The following CSPG4 variants were observed in gnomAD, a reference collection of about 807,000 sequenced individuals.
The protein encoded by CSPG4 is chondroitin sulfate proteoglycan 4 (melanoma-associated).
In CSPG4, 74 loss-of-function variants were observed where a neutral mutation model predicts 139.3. The ratio of observed to expected loss-of-function variants is 0.53; its 90% CI spans 0.44 to 0.64. The LOEUF (loss-of-function observed/expected upper bound fraction) is 0.64, where lower values mean the gene tolerates loss of function less well. Among genes scored for constraint, CSPG4 ranks in the 30% least tolerant of loss-of-function variants. The pLI, the probability that CSPG4 is intolerant of heterozygous loss-of-function variation, is 0.00. For missense variants in CSPG4, 2,565 were observed against 3,148.3 expected, an observed-to-expected ratio of 0.81 and a Z score of 4.43; for synonymous variants, 1,234 against 1,394.2, an observed-to-expected ratio of 0.89 and a Z score of 2.56.
Position 75,687,373 on chromosome 15 carries a change from G to C in CSPG4, c.3692C>G (p.Ala1231Gly). 2 of 1,612,974 alleles carry C rather than the reference G, an allele frequency of 1.2e-6. No homozygotes were observed. The highest frequency in any genetic ancestry group is 1.7e-6 in the Non-Finnish European group (2 of 1,180,032). ...CAGTGGGGCCAGTGGGCCCTCTAGG[G>C]CAATGGTCACTTGTAGGGTGGCATC... is the stretch of plus-strand genomic sequence containing the variant. ...HTDATLQVTI[A>G]LEGPLAPLKL... Residue 1231 changes from alanine (A) to glycine (G), a missense_variant, in exon 3 of 10, where the codon GCC becomes GGC. Around this residue, in one of 5 missense-constraint regions of CSPG4, gnomAD observed 2,316 missense variants for 2,818.2 expected, o/e 0.82. Transcript: ENST00000308508. This position sits in a 1 kb window ranked among gnomAD's most constrained non-coding sequence, Gnocchi z 5.4.
rs1381538379 is a variant in CSPG4 at position 75,689,544 on chromosome 15, G to A, written c.1521C>T (p.Ile507=). ...CGGAGGTGTCCTCAGAGCCATCGTGGATGAAGCGGGCCTTGCGGTTCACCA... is the reference window on the plus strand; with the variant it reads ...CGGAGGTGTCCTCAGAGCCATCGTGAATGAAGCGGGCCTTGCGGTTCACCA... ...LDVVNRKARF[I]HDGSEDTSDQ... The change falls in exon 3 of 10, where the codon ATC becomes ATT. Residue 507 remains isoleucine, a synonymous_variant. Transcript: ENST00000308508. 6.2e-7 allele frequency: 1 copy of A among 1,612,708 alleles called. No homozygotes were observed. The highest frequency in any genetic ancestry group is 8.5e-7 in the Non-Finnish European group (1 of 1,179,866).
chr15:75,684,665 G>A (rs768293582), intron 5 of CSPG4, 71 bp downstream of exon 5: 21 of 1,461,804 alleles, frequency 1.4e-5, no homozygotes, highest in Non-Finnish European at 1.8e-5. Context: ...GGGGAGCTCT[G>A]AGCCGCGAAG....
intron 5 of CSPG4, among the ~76,000 whole-genome samples, chr15:75,683,729 G>A (rs771529905): frequency 6.6e-6 from 1 of 152,146 alleles, no homozygotes; most frequent in African/African-American, 2.4e-5. Flanking sequence ...AATTACTTGC[G>A]GGCAGAGCTG....
In CSPG4 at chr15:75,676,977, G is replaced by A. The variant is rs369304264; in HGVS notation, c.5542C>T (p.Arg1848Cys). ...AGCTGGGCCCGGGAGATGGGGGCAC[G>A]AGAGCCTCGGGTGAGCCGGAGTGGG... ...SVPLRLTRGS[R>C]APISRAQLSV... Residue 1848 changes from arginine (R) to cysteine (C), a missense_variant, in exon 10 of 10, where the codon CGT (arginine) becomes TGT (cysteine). Physicochemically the swap from Arg to Cys is radical, Grantham distance 180. This residue lies in a region of CSPG4 where 2,316 missense variants were observed against 2,818.2 expected (regional missense o/e 0.82). Transcript: ENST00000308508. The A allele has an allele frequency of 1.3e-4, 200 of 1,484,348 alleles. No individual in the cohort carries two copies. Among genetic ancestry groups the A allele is most frequent in the Non-Finnish European group, 1.7e-4 (188 of 1,112,244 alleles). The allele number at this position is 1,484,348 out of a possible 1,614,324, so 91.9% of individuals were successfully genotyped here.
At position 75,696,741 on chromosome 15, in the gene CSPG4, G is replaced by T. The variant is rs1411399867; in HGVS notation, c.89-3508C>A. ...CCTTCCTCCCCATAAACAGGGCACT[G>T]CTGTCTGGGCCTGAGGGTGGGGTGG... On this transcript the variant is annotated intron_variant, in intron 1 of 9. Transcript: ENST00000308508. The surrounding 1 kb of genome is among the most constrained non-coding windows in gnomAD (Gnocchi z 4.2). 6.6e-6 allele frequency among the ~76,000 whole-genome samples: 1 copy of T among 152,170 alleles called. No homozygotes were observed. The highest frequency in any genetic ancestry group is 1.9e-4 in the East Asian group (1 of 5,182).
At position 75,676,320 on chromosome 15, in the gene CSPG4, C is replaced by T. The variant is rs779735538; in HGVS notation, c.6199G>A (p.Val2067Ile). 4.4e-5 allele frequency: 71 copies of T among 1,610,250 alleles called. No homozygotes were observed. The South Asian group carries it at 5.8e-4, about 13-fold the overall frequency. ...TTGGCCAGCTCGCCAGCATCTAGGACGGTGGGGTCCAGGCGCAGGGTGGCA... is the reference window on the plus strand; with the variant it reads ...TTGGCCAGCTCGCCAGCATCTAGGATGGTGGGGTCCAGGCGCAGGGTGGCA... Reference protein sequence around the residue: ...QGATLRLDPTVLDAGELANRT... With the variant: ...QGATLRLDPTILDAGELANRT... The change falls in exon 10 of 10, where the codon GTC (valine) becomes ATC (isoleucine). Residue 2067 changes from valine (V) to isoleucine (I), a missense_variant. By Grantham distance (29) the Val-to-Ile change is conservative. Coordinates refer to ENST00000308508, the MANE Select transcript of CSPG4 (RefSeq NM_001897.5).
intron 2 of CSPG4, among the ~76,000 whole-genome samples, chr15:75,691,752 T>A (rs1894167613): frequency 6.6e-6 from 1 of 152,102 alleles, no homozygotes; most frequent in African/African-American, 2.4e-5. Flanking sequence ...TGCTCCCAGA[T>A]GGTAGAATGG....
chr15:75,702,094 C>G (rs1894310918), intron 1 of CSPG4, among the ~76,000 whole-genome samples: 1 of 152,256 alleles, frequency 6.6e-6, no homozygotes, highest in African/African-American at 2.4e-5. Flanking sequence ...AAACTGAAAG[C>G]CACTCCCTCA....
chr15:75,705,266 G>A (rs1016397260), intron 1 of CSPG4, among the ~76,000 whole-genome samples: 5 of 152,088 alleles, frequency 3.3e-5, no homozygotes, highest in Non-Finnish European at 5.9e-5. Flanking sequence ...GCAGGCAGCC[G>A]CTGGCTGATA....
Position 75,689,461 on chromosome 15 carries a change from C to T in CSPG4, c.1604G>A (p.Arg535Gln), listed in dbSNP as rs369143661. Residue 535 changes from arginine to glutamine, a missense_variant, in exon 3 of 10, where the codon CGG becomes CAG. Transcript: ENST00000308508. ...GGGCAGGAGGTATGTTTGGCCCCTC[C>T]GAAGGCATGAGGGCATGGGCACCCG... ...TARVPMPSCL[R>Q]RGQTYLLPIQ... 32 of 1,612,652 alleles carry T rather than the reference C, an allele frequency of 2.0e-5. No homozygotes were observed. The highest frequency in any genetic ancestry group is 1.3e-4 in the Admixed American group (8 of 59,980).
Position 75,687,519 on chromosome 15 carries a change from C to A in CSPG4, c.3546G>T (p.Gln1182His). The A allele has an allele frequency of 6.2e-7, 1 of 1,612,014 alleles. No homozygotes were observed. Among genetic ancestry groups the A allele is most frequent in the Admixed American group, 1.7e-5 (1 of 60,006 alleles). Reference protein sequence around the residue: ...PRWGQLVRAGQPATAFSQQDL... With the variant: ...PRWGQLVRAGHPATAFSQQDL... ...CCTGCTGGGAGAAGGCTGTGGCTGG[C>A]TGACCAGCCCGGACTAGCTGTCCCC... Residue 1182 changes from glutamine (Q) to histidine (H), a missense_variant, in exon 3 of 10, where the codon CAG becomes CAT. Gln to His is a conservative substitution (Grantham distance 24). Coordinates refer to ENST00000308508, the MANE Select transcript of CSPG4 (RefSeq NM_001897.5). This position sits in a 1 kb window ranked among gnomAD's most constrained non-coding sequence, Gnocchi z 5.4.
rs746234875 is a variant in CSPG4, at chr15:75,693,253, G to A, written c.89-20C>T. ...AGGAAGCTGTGTGAGAGAGGGAGCT[G>A]TGGTCAAGGCTCAGACTCTTGCCTG... is the stretch of plus-strand genomic sequence containing the variant. On this transcript the variant is annotated intron_variant, in intron 1 of 9. Transcript: ENST00000308508. 2 of 1,548,234 alleles carry A rather than the reference G, an allele frequency of 1.3e-6. No individual in the cohort carries two copies. Among genetic ancestry groups the A allele is most frequent in the South Asian group, 1.3e-5 (1 of 78,544 alleles).
Position 75,690,447 on chromosome 15 carries a change from G to A in CSPG4, c.618C>T (p.Phe206=). The part of the protein sequence containing the change: ...FSASDDVALG[F]SGPHSLAAFP... The stretch of plus-strand genomic sequence containing the variant: ...AGGCAGCCAGAGAGTGGGGCCCAGA[G>A]AAGCCCAGGGCCACATCATCACTGG... Residue 206 remains phenylalanine (F), a synonymous_variant, in exon 3 of 10, where the codon TTC becomes TTT. Transcript: ENST00000308508. 1.9e-6 allele frequency: 3 copies of A among 1,607,684 alleles called. No homozygotes were observed. Among genetic ancestry groups the A allele is most frequent in the Non-Finnish European group, 2.5e-6 (3 of 1,177,428 alleles).
chr15:75,683,424 G>A (rs1479576596), intron 5 of CSPG4, among the ~76,000 whole-genome samples: 1 of 152,168 alleles, frequency 6.6e-6, no homozygotes, highest in Non-Finnish European at 1.5e-5. Context: ...GTGGGACAGG[G>A]GTCTCCTTTC....
In CSPG4 at chr15:75,675,390, C is replaced by A. The variant is rs376115141; in HGVS notation, c.*160G>T. 2.2e-5 allele frequency: 16 copies of A among 743,046 alleles called. 1 individual carries two copies. Among genetic ancestry groups the A allele is most frequent in the African/African-American group, 2.0e-4 (11 of 55,102 alleles). 46.0% of individuals were successfully genotyped at this position (743,046 alleles called of 1,614,324 possible). A position where few individuals can be genotyped will look rare whatever the true frequency, so the allele number is the denominator to read the frequency against. On this transcript the variant is annotated 3_prime_UTR_variant, in exon 10 of 10. Transcript: ENST00000308508. ...TCCAGCTCTTGACTCCACTCTGTCC[C>A]GGACCCCTGGGACTATCTCCCAGGA...
chr15:75,677,403 C>T lies in CSPG4; in HGVS notation c.5135-19G>A. On this transcript the variant is annotated intron_variant, in intron 9 of 9. Coordinates refer to ENST00000308508, the MANE Select transcript of CSPG4 (RefSeq NM_001897.5). Reference sequence around the variant, plus strand: ...CAGAGACCTGGGGGTGGGACATAGGCTATGAGGGTCCAGCCCACTGAGGGG... The same window carrying T: ...CAGAGACCTGGGGGTGGGACATAGGTTATGAGGGTCCAGCCCACTGAGGGG... 1 of 1,413,066 alleles carries T rather than the reference C, an allele frequency of 7.1e-7. No individual in the cohort carries two copies. The highest frequency in any genetic ancestry group is 9.2e-7 in the Non-Finnish European group (1 of 1,082,104). 87.5% of individuals were successfully genotyped at this position (1,413,066 alleles called of 1,614,324 possible). A position where few individuals can be genotyped will look rare whatever the true frequency, so the allele number is the denominator to read the frequency against.
Position 75,712,684 on chromosome 15 carries a change from G to C in CSPG4, c.72C>G (p.Ala24=). 1 of 1,564,518 alleles carries C rather than the reference G, an allele frequency of 6.4e-7. No individual in the cohort carries two copies. Residue 24 remains alanine, a synonymous_variant, in exon 1 of 10, where the codon GCC becomes GCG. Transcript: ENST00000308508. ...LALALTLTML[A]RLASAASFFG... ...CTCACTCACCCGCGGATGCAAGTCT[G>C]GCCAACATAGTCAGGGTCAAAGCCA... is the stretch of plus-strand genomic sequence containing the variant.
intron 1 of CSPG4, among the ~76,000 whole-genome samples, chr15:75,709,592 C>T (rs1894418550): frequency 1.3e-5 from 2 of 152,184 alleles, no homozygotes; most frequent in Admixed American, 1.3e-4. Context: ...TGAGAGTGGC[C>T]GTGTGCAAGT....
rs201427044 is a variant in CSPG4 at position 75,683,031 on chromosome 15, C to G, written c.4460G>C (p.Gly1487Ala). ...CTCCGCAGGGATGGGCGCAGTGGCC[C>G]CCTCCCACATCTGGGAACACAGGCC... is the stretch of plus-strand genomic sequence containing the variant. ...TTNTGLQMWE[G>A]ATAPIPAEAL... Residue 1487 changes from glycine (G) to alanine (A), a missense_variant, in exon 6 of 10, where the codon GGG (glycine) becomes GCG (alanine). Physicochemically the swap from Gly to Ala is moderately conservative, Grantham distance 60 (BLOSUM62 0). This residue lies in a region of CSPG4 where 2,316 missense variants were observed against 2,818.2 expected (regional missense o/e 0.82). Transcript: ENST00000308508. 307 of 1,610,030 alleles carry G rather than the reference C, an allele frequency of 1.9e-4. 1 individual carries two copies. Among genetic ancestry groups the G allele is most frequent in the Non-Finnish European group, 2.5e-4 (292 of 1,179,532 alleles).
Sources: allele counts gnomAD v4.1 joint callset (sites outside exome capture counted in the v4.1 genomes callset), GRCh38; gene constraint gnomAD v4.1.1; regional missense constraint gnomAD v4.1.1; non-coding constraint Gnocchi (gnomAD v3.1); transcripts MANE v1.5; gene names NCBI Gene and HGNC (gene_info 2026-07-23, HGNC 2026-07-21).